The following TPPP variants were observed in gnomAD, a reference collection of about 807,000 sequenced individuals.
The protein encoded by TPPP is tubulin polymerization promoting protein.
TPPP carries 6 observed loss-of-function variants against 15.5 expected under a neutral mutation model. That is an observed-to-expected ratio of 0.39 (90% confidence interval 0.21 to 0.77). The LOEUF (loss-of-function observed/expected upper bound fraction) is 0.77, where lower values mean the gene tolerates loss of function less well. Among genes scored for constraint, TPPP ranks in the 30% least tolerant of loss-of-function variants. TPPP has a pLI of 0.42. For synonymous variants in TPPP, 146 were observed against 133.9 expected (o/e 1.09, Z -0.63); for missense variants, 269 against 307.2 (o/e 0.88, Z 0.93).
intron 2 of TPPP, among the ~76,000 whole-genome samples, chr5:676,800 G>GCACATGCAGAAA (rs1176943508): frequency 6.3e-4 from 92 of 146,534 alleles, no homozygotes; most frequent in Non-Finnish European, 5.9e-5. Context: ...AAACGCACGT[G>GCACATGCAGAAA]CACATGCAGA....
the TPPP span, among the ~76,000 whole-genome samples, chr5:698,747 T>C: frequency 6.6e-6 from 1 of 151,928 alleles, no homozygotes; most frequent in Non-Finnish European, 1.5e-5. Context: ...AAGATGAGAT[T>C]TGGGTGCGGA....
Position 661,888 on chromosome 5 carries a change from GA to G in TPPP, c.*3213del. The G allele has an allele frequency of 6.6e-6, 1 of 152,488 alleles. No individual in the cohort carries two copies. The highest frequency in any genetic ancestry group is 1.5e-5 in the Non-Finnish European group (1 of 68,056). 9.4% of individuals were successfully genotyped at this position (152,488 alleles called of 1,614,324 possible). On this transcript the variant is annotated 3_prime_UTR_variant, in exon 4 of 4. Coordinates refer to ENST00000360578, the MANE Select transcript of TPPP (RefSeq NM_007030.3). ...GCTCTCCTGGCTCCCGCATGTCTGA[GA>G]AAAGCCTGAGGGCCGCTGGGGGAGG...
intron 3 of TPPP, 149 bp from the exon 4 acceptor site, chr5:665,445 A>G: frequency 1.4e-6 from 1 of 736,508 alleles, no homozygotes; most frequent in African/African-American, 1.8e-5. Flanking sequence ...TTTAATTCTT[A>G]TTTTTACCTC....
upstream of TPPP, chr5:693,396 A>T (rs1203720477): frequency 2.6e-4 from 12 of 45,988 alleles, no homozygotes; most frequent in Admixed American, 1.9e-3. Context: ...AGCACCGCCC[A>T]GCCCCGCCCA....
At chr5:692,025 T>TCCCAACCCCTATCAAAACAGCAGCCC (rs1740891270) in intron 1 of TPPP, among the ~76,000 whole-genome samples, 1 of 10,732 alleles carries the variant, frequency 9.3e-5, no homozygotes, top group Non-Finnish European at 1.7e-4. Context: ...AACAGCAGCC[T>TCCCAACCCCTATCAAAACAGCAGCCC]CCCAACCCCT....
chr5:681,339 G>A (rs1740615037), intron 1 of TPPP, among the ~76,000 whole-genome samples: 1 of 152,132 alleles, frequency 6.6e-6, no homozygotes, highest in Non-Finnish European at 1.5e-5. Flanking sequence ...CAAGCTCCCA[G>A]GCGTGTACCC....
rs561854546 is a variant in TPPP, at chr5:667,979, G to C, written c.312-1856C>G. On this transcript the variant is annotated intron_variant, in intron 2 of 3. Coordinates refer to ENST00000360578, the MANE Select transcript of TPPP (RefSeq NM_007030.3). Reference sequence around the variant, plus strand: ...TCAGGGAAGTGCGGACAAGCACACAGAGAGGGGGCCGTGTGGGCGCCGTCA... The same window carrying C: ...TCAGGGAAGTGCGGACAAGCACACACAGAGGGGGCCGTGTGGGCGCCGTCA... Among the ~76,000 whole-genome samples the C allele has an allele frequency of 2.3e-4, 13 of 56,370 alleles. 5 individuals are homozygous for C. The highest frequency in any genetic ancestry group is 3.8e-4 in the Non-Finnish European group (13 of 33,946). The allele number at this position is 56,370 out of a possible 152,430, so 37.0% of individuals were successfully genotyped here. A position where few individuals can be genotyped will look rare whatever the true frequency, so the allele number is the denominator to read the frequency against.
At chr5:696,959 CCTGT>C, upstream of TPPP, among the ~76,000 whole-genome samples, 2 of 147,936 alleles carry the variant, frequency 1.4e-5, no homozygotes, top group African/African-American at 4.9e-5. Flanking sequence ...TGTCCACGTG[CCTGT>C]GTCTGTGTGT....
At position 664,313 on chromosome 5, in the gene TPPP, C is replaced by T. The variant is rs1190077481; in HGVS notation, c.*789G>A. ...ACCACAGGGACCGGACATTCTGAAT[C>T]TTCCCAGACCCGCTCTGAGAACATA... On this transcript the variant is annotated 3_prime_UTR_variant, in exon 4 of 4. Transcript: ENST00000360578. 1 of 152,398 alleles carries T rather than the reference C, an allele frequency of 6.6e-6. No homozygotes were observed. Among genetic ancestry groups the T allele is most frequent in the Non-Finnish European group, 1.5e-5 (1 of 68,074 alleles). The allele number at this position is 152,398 out of a possible 1,614,324, so 9.4% of individuals were successfully genotyped here. A position where few individuals can be genotyped will look rare whatever the true frequency, so the allele number is the denominator to read the frequency against.
At chr5:678,210 C>G in intron 1 of TPPP, 146 bp from the exon 2 acceptor site, 1 of 736,354 alleles carries the variant, frequency 1.4e-6, no homozygotes, top group Non-Finnish European at 2.2e-6. Flanking sequence ...GGGCGTGAGG[C>G]CCCTCAGACC....
intron 1 of TPPP, among the ~76,000 whole-genome samples, 180 bp downstream of exon 1, chr5:693,098 A>C (rs1740936069): frequency 7.8e-6 from 1 of 127,702 alleles, no homozygotes; most frequent in Non-Finnish European, 1.8e-5. Context: ...CGCAGCGCCG[A>C]ACTCCGGGCA....
At chr5:669,731 C>T (rs959844580) in intron 2 of TPPP, among the ~76,000 whole-genome samples, 48 of 152,148 alleles carry the variant, frequency 3.2e-4, no homozygotes, top group African/African-American at 8.7e-4. Context: ...GCGCGCTCCC[C>T]GAGTGTCTCG....
At chr5:682,319 C>T (rs993574893) in intron 1 of TPPP, among the ~76,000 whole-genome samples, 1 of 135,480 alleles carries the variant, frequency 7.4e-6, no homozygotes, top group African/African-American at 3.1e-5. Flanking sequence ...GCCTGTCAGT[C>T]ACTAGGGCCG....
the TPPP span, among the ~76,000 whole-genome samples, chr5:699,893 C>T: frequency 3.3e-5 from 5 of 151,382 alleles, no homozygotes; most frequent in East Asian, 5.8e-4. Flanking sequence ...AATCTGAATG[C>T]AATACCATCT....
intron 2 of TPPP, among the ~76,000 whole-genome samples, chr5:671,566 G>A (rs1740225626): frequency 6.6e-6 from 1 of 152,226 alleles, no homozygotes; most frequent in African/African-American, 2.4e-5. Flanking sequence ...CCAAGCGCAG[G>A]AGACGGGTGC....
At chr5:671,098 G>C (rs891205410) in intron 2 of TPPP, among the ~76,000 whole-genome samples, 1 of 152,218 alleles carries the variant, frequency 6.6e-6, no homozygotes, top group Non-Finnish European at 1.5e-5. Context: ...CGGTCGGGGG[G>C]CTGCCTGAGC....
the TPPP span, among the ~76,000 whole-genome samples, chr5:700,377 C>A: frequency 6.6e-6 from 1 of 151,918 alleles, no homozygotes. Context: ...TAAGTGGGAG[C>A]TAAACAATGT....
intron 2 of TPPP, among the ~76,000 whole-genome samples, 191 bp from the exon 3 acceptor site, chr5:666,314 A>G (rs528854914): frequency 2.4e-4 from 36 of 152,276 alleles, no homozygotes; most frequent in African/African-American, 8.4e-4. Flanking sequence ...GGTCCTCTAT[A>G]AAGCTGGATG....
intron 3 of TPPP, among the ~76,000 whole-genome samples, chr5:665,651 C>G (rs976882233): frequency 7.4e-6 from 1 of 135,240 alleles, no homozygotes; most frequent in Non-Finnish European, 1.6e-5. Context: ...TCCCCAGGAC[C>G]CCCCCAGGCC....
Sources: gnomAD v4.1 joint callset for allele counts (sites outside exome capture counted in the v4.1 genomes callset) on GRCh38, gnomAD v4.1.1 for gene constraint, MANE v1.5 for transcripts, NCBI Gene and HGNC (gene_info 2026-07-23, HGNC 2026-07-21) for gene names.